DCK: variants seen among roughly 807,000 people sequenced by gnomAD.
DCK encodes deoxycytidine kinase, also known as deoxyadenosine kinase.
DCK carries 23 observed loss-of-function variants against 38.3 expected under a neutral mutation model. The observed-to-expected ratio is 0.60, with a 90% CI of 0.43 to 0.85. The LOEUF (loss-of-function observed/expected upper bound fraction) is 0.85, where lower values mean the gene tolerates loss of function less well. Among genes scored for constraint, DCK ranks in the 40% least tolerant of loss-of-function variants. The pLI is 0.00. For synonymous variants in DCK, 108 were observed against 100.6 expected (o/e 1.07, Z -0.44); for missense variants, 259 against 304.4 (o/e 0.85, Z 1.11).
In DCK at chr4:70,993,844, C is replaced by G. The variant is rs1560676969; in HGVS notation, c.9C>G (p.Thr3=). The change falls in exon 1 of 7, where the codon ACC becomes ACG. Residue 3 remains threonine (T), a synonymous_variant. Transcript: ENST00000286648. ...CGCCACAAGACTAAGGAATGGCCACCCCGCCCAAGAGAAGCTGCCCGTCTT... is the reference window on the plus strand; with the variant it reads ...CGCCACAAGACTAAGGAATGGCCACGCCGCCCAAGAGAAGCTGCCCGTCTT... MA[T]PPKRSCPSFS... 6.2e-7 allele frequency: 1 copy of G among 1,613,422 alleles called. No homozygotes were observed. Among genetic ancestry groups the G allele is most frequent in the Admixed American group, 1.7e-5 (1 of 59,990 alleles).
intron 1 of DCK, 180 bp downstream of exon 1, chr4:70,994,106 C>G (rs1739606278): frequency 1.6e-6 from 1 of 621,212 alleles, no homozygotes; most frequent in Non-Finnish European, 2.9e-6. Flanking sequence ...TCCCGCTCCA[C>G]GGGGTGACTG....
chr4:71,026,530 A>C, intron 5 of DCK, 135 bp from the exon 6 acceptor site: 1 of 630,168 alleles, frequency 1.6e-6, no homozygotes, highest in Non-Finnish European at 2.8e-6. Flanking sequence ...TGCCAGATGA[A>C]GTACTGCAAA....
At chr4:71,025,563 C>T (rs956038617) in intron 4 of DCK, among the ~76,000 whole-genome samples, 4 of 151,986 alleles carry the variant, frequency 2.6e-5, no homozygotes, top group Non-Finnish European at 5.9e-5. Context: ...TTTTATCAAA[C>T]TTAGTATATT....
At chr4:71,012,224 C>T (rs557843927) in intron 2 of DCK, among the ~76,000 whole-genome samples, 149 of 152,276 alleles carry the variant, frequency 9.8e-4, no homozygotes, top group African/African-American at 3.2e-3. Flanking sequence ...GGGGGAGGGG[C>T]GCCCACCATT....
intron 2 of DCK, among the ~76,000 whole-genome samples, chr4:71,012,217 G>A (rs1032526855): frequency 1.3e-5 from 2 of 152,184 alleles, no homozygotes; most frequent in Non-Finnish European, 2.9e-5. Flanking sequence ...TGAGGCTGGG[G>A]GAGGGGCGCC....
intron 2 of DCK, among the ~76,000 whole-genome samples, chr4:71,001,953 T>C (rs1739812327): frequency 6.6e-6 from 1 of 152,208 alleles, no homozygotes; most frequent in Non-Finnish European, 1.5e-5. Flanking sequence ...TGAAGAGTTT[T>C]TCGTGTCTCT....
intron 6 of DCK, among the ~76,000 whole-genome samples, chr4:71,027,709 C>T (rs1004540679): frequency 1.3e-5 from 2 of 151,900 alleles, no homozygotes; most frequent in African/African-American, 4.8e-5. Context: ...GTTGTTTTTC[C>T]CATGGTATGA....
intron 2 of DCK, among the ~76,000 whole-genome samples, chr4:71,013,408 A>G (rs1390647811): frequency 2.0e-5 from 3 of 152,208 alleles, no homozygotes; most frequent in Admixed American, 2.0e-4. Context: ...AATACAGAGA[A>G]CACCACAAAG....
At chr4:71,002,217 T>C (rs1290909954) in intron 2 of DCK, among the ~76,000 whole-genome samples, 2 of 152,218 alleles carry the variant, frequency 1.3e-5, no homozygotes, top group African/African-American at 4.8e-5. Flanking sequence ...TCTGCCCTAA[T>C]TTCGTTATTT....
In DCK at chr4:71,030,071, G is replaced by A. The variant is rs1291124183; in HGVS notation, c.*693G>A. On this transcript the variant is annotated 3_prime_UTR_variant, in exon 7 of 7. Coordinates refer to ENST00000286648, the MANE Select transcript of DCK (RefSeq NM_000788.3). ...TTGCTTTGTAGGGTTCTGCTTTTAAGTTTTTCTCTTTTTCAGACAAATTAC... is the reference window on the plus strand; with the variant it reads ...TTGCTTTGTAGGGTTCTGCTTTTAAATTTTTCTCTTTTTCAGACAAATTAC... 2 of 152,470 alleles carry A rather than the reference G, an allele frequency of 1.3e-5. No homozygotes were observed. Among genetic ancestry groups the A allele is most frequent in the African/African-American group, 4.8e-5 (2 of 41,376 alleles). 9.4% of individuals were successfully genotyped at this position (152,470 alleles called of 1,614,324 possible). A position where few individuals can be genotyped will look rare whatever the true frequency, so the allele number is the denominator to read the frequency against.
At chr4:71,025,741 A>G in intron 4 of DCK, 75 bp from the exon 5 acceptor site, 1 of 1,479,208 alleles carries the variant, frequency 6.8e-7, no homozygotes, top group Non-Finnish European at 9.0e-7. Flanking sequence ...GACACAGAAA[A>G]GAAAATTTTG....
At chr4:71,014,936 G>C (rs1740216469) in intron 2 of DCK, among the ~76,000 whole-genome samples, 1 of 152,190 alleles carries the variant, frequency 6.6e-6, no homozygotes, top group African/African-American at 2.4e-5. Context: ...AGAACGGAAG[G>C]AAATAGAGAC....
At chr4:71,010,887 A>C (rs963924788) in intron 2 of DCK, among the ~76,000 whole-genome samples, 1 of 151,788 alleles carries the variant, frequency 6.6e-6, no homozygotes, top group African/African-American at 2.4e-5. Context: ...GAAGGTGTAA[A>C]CCATACTTAT....
chr4:71,024,957 G>C (rs1663719315), intron 4 of DCK, among the ~76,000 whole-genome samples: 2 of 151,972 alleles, frequency 1.3e-5, no homozygotes, highest in Non-Finnish European at 2.9e-5. Flanking sequence ...AATTTCATCA[G>C]TATTGTTTCT....
chr4:70,998,324 G>A, intron 2 of DCK, 142 bp downstream of exon 2: 1 of 469,142 alleles, frequency 2.1e-6, no homozygotes, highest in South Asian at 4.2e-5. Flanking sequence ...TGGTTACATG[G>A]ATATATATAC....
At position 71,029,105 on chromosome 4, in the gene DCK, G is replaced by A. The variant is rs138460199; in HGVS notation, c.757-247G>A. The stretch of plus-strand genomic sequence containing the variant: ...TGGGGGGTTTCACCATGTTGGCCAG[G>A]CTGGTCTGAAACTCCTGACCTTAAG... On this transcript the variant is annotated intron_variant, in intron 6 of 6. Transcript: ENST00000286648. Among the ~76,000 whole-genome samples the A allele has an allele frequency of 4.9e-3, 742 of 152,232 alleles. 11 individuals carry two copies. Among genetic ancestry groups the A allele is most frequent in the African/African-American group, 0.017 (716 of 41,544 alleles).
chr4:71,008,363 C>T (rs1360456226), intron 2 of DCK, among the ~76,000 whole-genome samples: 2 of 152,050 alleles, frequency 1.3e-5, no homozygotes, highest in Non-Finnish European at 2.9e-5. Flanking sequence ...TGTATTTCCC[C>T]GCTGGCTAAT....
chr4:71,016,877 G>A (rs1217361394), intron 2 of DCK, among the ~76,000 whole-genome samples: 1 of 152,208 alleles, frequency 6.6e-6, no homozygotes, highest in East Asian at 1.9e-4. Flanking sequence ...GCATGGGCAA[G>A]GACTTCATGT....
chr4:71,004,672 C>T (rs779187595), intron 2 of DCK, among the ~76,000 whole-genome samples: 2 of 152,264 alleles, frequency 1.3e-5, no homozygotes, highest in Non-Finnish European at 2.9e-5. Context: ...GAGGAGGAAT[C>T]TAGAGAGGCA....
Sources: gnomAD v4.1 joint callset for allele counts (sites outside exome capture counted in the v4.1 genomes callset) on GRCh38, gnomAD v4.1.1 for gene constraint, MANE v1.5 for transcripts, NCBI Gene and HGNC (gene_info 2026-07-23, HGNC 2026-07-21) for gene names.